SPICE1: variants seen among roughly 807,000 people sequenced by gnomAD.
SPICE1 encodes the protein spindle and centriole associated protein 1.
A neutral mutation model predicts 102.7 loss-of-function variants in SPICE1; 75 were observed. The ratio of observed to expected loss-of-function variants is 0.73; its 90% CI spans 0.61 to 0.88. The LOEUF is 0.88. Among genes scored for constraint, SPICE1 ranks in the 40% least tolerant of loss-of-function variants. SPICE1 has a pLI of 0.00. For missense variants in SPICE1, 979 were observed against 1,020.1 expected (o/e 0.96, Z 0.55); for synonymous variants, 308 against 350.3 (o/e 0.88, Z 1.35).
At chr3:113,514,748 T>C in intron 1 of SPICE1, 149 bp downstream of exon 1, 1 of 1,288,006 alleles carries the variant, frequency 7.8e-7, no homozygotes, top group Non-Finnish European at 1.0e-6. Flanking sequence ...GCCTCTCTCC[T>C]GCTACACGGT....
chr3:113,509,478 T>G (rs1339594040), intron 1 of SPICE1, among the ~76,000 whole-genome samples: 2 of 152,190 alleles, frequency 1.3e-5, no homozygotes, highest in Admixed American at 1.3e-4. Flanking sequence ...TATAGTATAT[T>G]CTCAATGATG....
At chr3:113,506,743 C>T in intron 1 of SPICE1, 138 bp from the exon 2 acceptor site, 1 of 621,754 alleles carries the variant, frequency 1.6e-6, no homozygotes, top group South Asian at 2.1e-5. Context: ...AAAGGAACAG[C>T]CTATCAAAAT....
At position 113,493,204 on chromosome 3, in the gene SPICE1, A is replaced by T. The variant is rs1213716535; in HGVS notation, c.492+2T>A. 6.3e-7 allele frequency: 1 copy of T among 1,587,464 alleles called. No homozygotes were observed. The highest frequency in any genetic ancestry group is 1.1e-5 in the South Asian group (1 of 87,462). On this transcript the variant is annotated splice_donor_variant, in intron 6 of 17. Coordinates refer to ENST00000295872, the MANE Select transcript of SPICE1 (RefSeq NM_144718.4). LOFTEE classifies it high-confidence loss of function. Reference sequence around the variant, plus strand: ...GTTATAGCTGTGAGTGGAACACATTACCTGAGGTTCTATGACAGACTCATT... The same window carrying T: ...GTTATAGCTGTGAGTGGAACACATTTCCTGAGGTTCTATGACAGACTCATT...
At chr3:113,448,267 C>A in intron 15 of SPICE1, 127 bp from the exon 16 acceptor site, 1 of 782,398 alleles carries the variant, frequency 1.3e-6, no homozygotes, top group Non-Finnish European at 1.9e-6. Context: ...TTAATCTTAG[C>A]CCAAGATACA....
intron 12 of SPICE1, among the ~76,000 whole-genome samples, chr3:113,458,952 C>T (rs1266070471): frequency 8.5e-5 from 13 of 152,154 alleles, no homozygotes; most frequent in African/African-American, 1.4e-4. Context: ...GCCATGATGA[C>T]GATGGCGGTT....
chr3:113,460,250 T>C, intron 12 of SPICE1: 1 of 983,900 alleles, frequency 1.0e-6, no homozygotes, highest in South Asian at 4.7e-5. Context: ...GGATTAAAAG[T>C]GCTAGCACTC....
chr3:113,444,489 ACT>A lies in SPICE1; in HGVS notation c.*816_*817del, dbSNP rs1935466651. On this transcript the variant is annotated 3_prime_UTR_variant, in exon 18 of 18. Coordinates refer to ENST00000295872, the MANE Select transcript of SPICE1 (RefSeq NM_144718.4). Reference sequence around the variant, plus strand: ...ACTCCAGCCTGGGCAATAAAGCAAGACTCTGTCTCAAAAAAAAAAAAAAAAGA... The same window carrying A: ...ACTCCAGCCTGGGCAATAAAGCAAGACTGTCTCAAAAAAAAAAAAAAAAGA... 3 of 136,548 alleles carry A rather than the reference ACT, an allele frequency of 2.2e-5. No homozygotes were observed. Among genetic ancestry groups the A allele is most frequent in the African/African-American group, 9.3e-5 (3 of 32,234 alleles). The allele number at this position is 136,548 out of a possible 1,614,324, so 8.5% of individuals were successfully genotyped here. A position where few individuals can be genotyped will look rare whatever the true frequency, so the allele number is the denominator to read the frequency against.
chr3:113,498,384 C>T (rs986867516), intron 4 of SPICE1, among the ~76,000 whole-genome samples: 30 of 152,166 alleles, frequency 2.0e-4, no homozygotes, highest in African/African-American at 6.8e-4. Flanking sequence ...GAGCAGGAAC[C>T]ACTAGAGAAA....
intron 4 of SPICE1, among the ~76,000 whole-genome samples, chr3:113,496,383 G>A (rs1936885802): frequency 6.6e-6 from 1 of 151,174 alleles, no homozygotes; most frequent in Non-Finnish European, 1.5e-5. Context: ...GTAAGTGGTG[G>A]TACACATGTT....
Position 113,468,883 on chromosome 3 carries a change from G to C in SPICE1, c.768C>G (p.Thr256=), listed in dbSNP as rs770245258. The part of the protein sequence containing the change: ...SGEQRAALNA[T]NAVKRLQTRL... ...TGGTTTGGAGTCTCTTGACAGCATT[G>C]GTAGCATTCAGAGCAGCTAAAAGGA... is the stretch of plus-strand genomic sequence containing the variant. The change falls in exon 9 of 18, where the codon ACC becomes ACG. Residue 256 remains threonine, a synonymous_variant. Coordinates refer to ENST00000295872, the MANE Select transcript of SPICE1 (RefSeq NM_144718.4). The C allele has an allele frequency of 2.5e-6, 4 of 1,612,656 alleles. No homozygotes were observed. The African/African-American group carries it at 4.0e-5, about 16-fold the overall frequency.
At chr3:113,462,611 T>C (rs1426457745) in intron 11 of SPICE1, among the ~76,000 whole-genome samples, 1 of 152,240 alleles carries the variant, frequency 6.6e-6, no homozygotes, top group Non-Finnish European at 1.5e-5. Flanking sequence ...AACCCATTAG[T>C]AAATAATTGT....
chr3:113,484,939 G>A (rs114516306), intron 7 of SPICE1, among the ~76,000 whole-genome samples: 2,634 of 152,058 alleles, frequency 0.017, 71 homozygotes, highest in African/African-American at 0.061. Context: ...CTGTCTCATC[G>A]ATCTGTCTAA....
Position 113,453,519 on chromosome 3 carries a change from C to T in SPICE1, c.2089G>A (p.Gly697Arg). ...NNIIEPRGEQ[G>R]DGLRELNKQE... ...TTGTTCAACTCCCGGAGTCCATCCC[C>T]TTGCTCTCCTCTGGGCTCAATAATA... is the stretch of plus-strand genomic sequence containing the variant. Residue 697 changes from glycine (G) to arginine (R), a missense_variant, in exon 14 of 18, where the codon GGG (glycine) becomes AGG (arginine). Gly to Arg is a moderately radical substitution (Grantham distance 125, BLOSUM62 -2). Transcript: ENST00000295872. 6.2e-7 allele frequency: 1 copy of T among 1,614,070 alleles called. No homozygotes were observed. The highest frequency in any genetic ancestry group is 1.1e-5 in the South Asian group (1 of 91,060).
chr3:113,460,041 T>C, intron 12 of SPICE1: 2 of 985,406 alleles, frequency 2.0e-6, no homozygotes, highest in South Asian at 9.4e-5. Context: ...TTCTTACAGA[T>C]ACTCATCAAA....
chr3:113,485,180 T>G (rs530088471), intron 7 of SPICE1, among the ~76,000 whole-genome samples: 320 of 151,338 alleles, frequency 2.1e-3, no homozygotes, highest in African/African-American at 5.1e-3. Context: ...TTGTTTGTTT[T>G]TTTTTTTTTT....
At chr3:113,491,191 A>G (rs13098166) in intron 6 of SPICE1, among the ~76,000 whole-genome samples, 31,719 of 152,180 alleles carry the variant, frequency 0.21, 3,569 homozygotes, top group African/African-American at 0.29. Flanking sequence ...CTTAGCATCT[A>G]GTGCATGATC....
chr3:113,468,557 A>G (rs75307460), intron 9 of SPICE1, among the ~76,000 whole-genome samples, 153 bp from the exon 10 acceptor site: 3,923 of 152,342 alleles, frequency 0.026, 64 homozygotes, highest in East Asian at 0.053. Flanking sequence ...AGTTTAAACC[A>G]GATTTACACT....
At chr3:113,457,547 A>C (rs1274616152) in intron 12 of SPICE1, among the ~76,000 whole-genome samples, 190 bp from the exon 13 acceptor site, 2 of 152,188 alleles carry the variant, frequency 1.3e-5, no homozygotes, top group African/African-American at 4.8e-5. Flanking sequence ...CTGGGGGGCT[A>C]GTACTGAGAA....
rs995585883 is a variant in SPICE1, at chr3:113,443,399, T to C, written c.*1908A>G. On this transcript the variant is annotated 3_prime_UTR_variant, in exon 18 of 18. Transcript: ENST00000295872. ...AGTAACTGCAAGAAAGAGCTTCAAG[T>C]CTTGGCTTTACCTCTTACAAGCACT... The C allele has an allele frequency of 2.0e-5, 3 of 152,246 alleles. No homozygotes were observed. The highest frequency in any genetic ancestry group is 4.4e-5 in the Non-Finnish European group (3 of 68,062). 9.4% of individuals were successfully genotyped at this position (152,246 alleles called of 1,614,324 possible).
Sources: gnomAD v4.1 joint callset for allele counts (sites outside exome capture counted in the v4.1 genomes callset) on GRCh38, gnomAD v4.1.1 for gene constraint, MANE v1.5 for transcripts, NCBI Gene and HGNC (gene_info 2026-07-23, HGNC 2026-07-21) for gene names.